CROT: variants seen among roughly 807,000 people sequenced by gnomAD.
The protein encoded by CROT is peroxisomal carnitine O-octanoyltransferase.
In CROT, 84 loss-of-function variants were observed where a neutral mutation model predicts 89.2. The ratio of observed to expected loss-of-function variants is 0.94; its 90% confidence interval spans 0.79 to 1.13. The LOEUF is 1.13. Among genes scored for constraint, CROT ranks in the 50% most tolerant of loss-of-function variants. The pLI is 0.00. For synonymous variants in CROT, 212 were observed against 239.5 expected (o/e 0.89, Z 1.06); for missense variants, 711 against 727.8 (o/e 0.98, Z 0.27).
At chr7:87,372,088 A>G (rs2115904053) in intron 7 of CROT, among the ~76,000 whole-genome samples, 1 of 151,684 alleles carries the variant, frequency 6.6e-6, no homozygotes, top group Non-Finnish European at 1.5e-5. Flanking sequence ...GAATTGGCAT[A>G]TCCCTCATTA....
intron 13 of CROT, among the ~76,000 whole-genome samples, chr7:87,388,456 C>T (rs1418685910): frequency 6.6e-6 from 1 of 152,108 alleles, no homozygotes; most frequent in East Asian, 1.9e-4. Context: ...GAACAGAGGC[C>T]TTAGAAATAA....
At chr7:87,367,602 T>A (rs1269525951) in intron 6 of CROT, among the ~76,000 whole-genome samples, 1 of 152,222 alleles carries the variant, frequency 6.6e-6, no homozygotes, top group African/African-American at 2.4e-5. Context: ...CATATACTTT[T>A]CTTTTCTTTT....
chr7:87,378,238 G>C (rs1013247402), intron 10 of CROT, among the ~76,000 whole-genome samples: 16 of 151,676 alleles, frequency 1.1e-4, no homozygotes, highest in Admixed American at 5.9e-4. Flanking sequence ...CAGCTACTTG[G>C]GAGGCTGAGG....
intron 3 of CROT, among the ~76,000 whole-genome samples, chr7:87,352,214 A>T (rs1805890625): frequency 6.6e-6 from 1 of 152,164 alleles, no homozygotes; most frequent in Non-Finnish European, 1.5e-5. Context: ...AACTTTTAAA[A>T]ACTTATTTAT....
At chr7:87,359,085 C>A (rs2115831076) in intron 3 of CROT, 121 bp from the exon 4 acceptor site, 1 of 690,024 alleles carries the variant, frequency 1.4e-6, no homozygotes, top group Non-Finnish European at 2.5e-6. Flanking sequence ...TTCTGCTCTG[C>A]TATTTAATAC....
chr7:87,382,547 A>G lies in CROT; in HGVS notation c.1301+4A>G. 1 of 1,606,388 alleles carries G rather than the reference A, an allele frequency of 6.2e-7. No homozygotes were observed. Among genetic ancestry groups the G allele is most frequent in the Non-Finnish European group, 8.5e-7 (1 of 1,177,906 alleles). ...CCTATTACAGACTTCATGGACAGTA[A>G]GGACCATTCAGTTTCTATTTTCACA... On this transcript the variant is annotated splice_donor_region_variant and intron_variant, in intron 13 of 17. Transcript: ENST00000331536.
chr7:87,367,602 T>C (rs1269525951), intron 6 of CROT, among the ~76,000 whole-genome samples: 1 of 152,222 alleles, frequency 6.6e-6, no homozygotes, highest in Non-Finnish European at 1.5e-5. Context: ...CATATACTTT[T>C]CTTTTCTTTT....
chr7:87,396,286 G>A (rs931124868), intron 17 of CROT, among the ~76,000 whole-genome samples: 4 of 152,040 alleles, frequency 2.6e-5, no homozygotes, highest in Non-Finnish European at 5.9e-5. Context: ...GAAAAATCAC[G>A]CACTAATAGT....
In CROT at chr7:87,375,842, G is replaced by T. The variant is rs1157344273; in HGVS notation, c.765G>T (p.Leu255=). 8 of 1,613,348 alleles carry T rather than the reference G, an allele frequency of 5.0e-6. No homozygotes were observed. Among genetic ancestry groups the T allele is most frequent in the African/African-American group, 1.3e-5 (1 of 74,904 alleles). The change falls in exon 9 of 18, where the codon CTG becomes CTT. Residue 255 remains leucine (L), a synonymous_variant. Coordinates refer to ENST00000331536, the MANE Select transcript of CROT (RefSeq NM_021151.4). ...TTGCCCTTTAGGCACGAGAATATCT[G>T]ATTGGTCTTGATCCAGAGAACTTGG... ...RTRWAKAREY[L]IGLDPENLAL...
intron 17 of CROT, among the ~76,000 whole-genome samples, chr7:87,396,760 A>G (rs1286573854): frequency 2.0e-5 from 3 of 152,110 alleles, no homozygotes; most frequent in Non-Finnish European, 4.4e-5. Flanking sequence ...ATTACATGGC[A>G]TAAGACTATA....
chr7:87,354,630 G>T (rs1482151911), intron 3 of CROT, among the ~76,000 whole-genome samples: 2 of 152,052 alleles, frequency 1.3e-5, no homozygotes, highest in Non-Finnish European at 2.9e-5. Flanking sequence ...GAAAAAAAAA[G>T]TTGATGAGAA....
At chr7:87,359,690 G>C (rs1806212847) in intron 4 of CROT, 1 of 1,044,310 alleles carries the variant, frequency 9.6e-7, no homozygotes, top group African/African-American at 1.7e-5. Context: ...CACTAAAATA[G>C]ACATGTCACA....
intron 10 of CROT, among the ~76,000 whole-genome samples, chr7:87,379,847 C>G (rs1012241939): frequency 6.6e-6 from 1 of 152,162 alleles, no homozygotes; most frequent in Non-Finnish European, 1.5e-5. Flanking sequence ...AACATGGGAG[C>G]TCATGCCTAT....
chr7:87,352,547 T>C (rs931207051), intron 3 of CROT, among the ~76,000 whole-genome samples: 1 of 152,238 alleles, frequency 6.6e-6, no homozygotes, highest in Non-Finnish European at 1.5e-5. Flanking sequence ...TCTTGACTTG[T>C]AGCAATTAGC....
At chr7:87,390,986 G>C (rs141636659) in intron 13 of CROT, among the ~76,000 whole-genome samples, 186 of 152,264 alleles carry the variant, frequency 1.2e-3, no homozygotes, top group Non-Finnish European at 1.9e-3. Context: ...TTTTTCATGA[G>C]GTTGTAGTCA....
chr7:87,355,685 C>A (rs987008920), intron 3 of CROT, among the ~76,000 whole-genome samples: 4 of 152,120 alleles, frequency 2.6e-5, no homozygotes, highest in Non-Finnish European at 5.9e-5. Context: ...CAAATAACAG[C>A]CGATTAAGAA....
In CROT at chr7:87,354,427, G is replaced by A. The variant is rs756029443; in HGVS notation, c.116-4779G>A. 9.7e-6 allele frequency: 5 copies of A among 517,548 alleles called. 1 individual carries two copies. In the Middle Eastern group the frequency reaches 1.6e-3, roughly 165 times the overall value. 32.1% of individuals were successfully genotyped at this position (517,548 alleles called of 1,614,324 possible). The stretch of plus-strand genomic sequence containing the variant: ...TGGACCTAGGAAGAGTATATTCAAG[G>A]TTATGATTATAGCATAGGATTACCT... On this transcript the variant is annotated intron_variant, in intron 3 of 17. Transcript: ENST00000331536.
intron 4 of CROT, 59 bp from the exon 5 acceptor site, chr7:87,361,331 G>T: frequency 1.4e-6 from 2 of 1,440,354 alleles, no homozygotes; most frequent in Middle Eastern, 1.7e-4. Flanking sequence ...AAAATTCCCA[G>T]TAGTTACACA....
chr7:87,375,700 G>C lies in CROT; in HGVS notation c.725G>C (p.Ser242Thr). 2 of 1,613,576 alleles carry C rather than the reference G, an allele frequency of 1.2e-6. No homozygotes were observed. The highest frequency in any genetic ancestry group is 1.7e-6 in the Non-Finnish European group (2 of 1,179,552). Residue 242 changes from serine (S) to threonine (T), a missense_variant, in exon 8 of 18, where the codon AGT (serine) becomes ACT (threonine). Ser to Thr is a moderately conservative substitution (Grantham distance 58). Coordinates refer to ENST00000331536, the MANE Select transcript of CROT (RefSeq NM_021151.4). ...GGACCTGGGATTGCAGCATTAACTA[G>C]TGAGGAGCGAACTCGATGGGCTAAG... ...PDGPGIAALT[S>T]EERTRWAKAR...
Sources: gnomAD v4.1 joint callset for allele counts (sites outside exome capture counted in the v4.1 genomes callset) on GRCh38, gnomAD v4.1.1 for gene constraint, MANE v1.5 for transcripts, NCBI Gene and HGNC (gene_info 2026-07-23, HGNC 2026-07-21) for gene names.